CHST12: variants seen among roughly 807,000 people sequenced by gnomAD.
CHST12 encodes carbohydrate sulfotransferase 12, also known as carbohydrate (chondroitin 4) sulfotransferase 12.
In CHST12, 23 loss-of-function variants were observed where a neutral mutation model predicts 27.9. That is an observed-to-expected ratio of 0.82 (90% CI 0.59 to 1.17). The LOEUF (loss-of-function observed/expected upper bound fraction) is 1.17, where lower values mean the gene tolerates loss of function less well. Among genes scored for constraint, CHST12 ranks in the 50% most tolerant of loss-of-function variants. The pLI is 0.00. For missense variants in CHST12, 682 were observed against 603.0 expected, an observed-to-expected ratio of 1.13 and a Z score of -1.37; for synonymous variants, 322 against 273.0, an observed-to-expected ratio of 1.18 and a Z score of -1.77.
At chr7:2,411,662 G>A (rs866474019) in intron 1 of CHST12, among the ~76,000 whole-genome samples, 2 of 151,754 alleles carry the variant, frequency 1.3e-5, no homozygotes, top group African/African-American at 2.4e-5. Flanking sequence ...GCTACTTTTT[G>A]TATTTAGTAG....
intron 1 of CHST12, among the ~76,000 whole-genome samples, chr7:2,419,504 C>T (rs1002256806): frequency 6.6e-6 from 1 of 151,396 alleles, no homozygotes; most frequent in Non-Finnish European, 1.5e-5. Context: ...GTCAGGAGTC[C>T]GAGACCAGCC....
chr7:2,404,384 G>A (rs1029404395), intron 1 of CHST12, among the ~76,000 whole-genome samples: 4 of 152,134 alleles, frequency 2.6e-5, no homozygotes, highest in Admixed American at 2.0e-4. Flanking sequence ...CCGTCTGGCA[G>A]GCAGCACAAC....
In CHST12 at chr7:2,433,303, C is replaced by T; in HGVS notation, c.664C>T (p.Arg222Cys). 1 of 1,612,474 alleles carries T rather than the reference C, an allele frequency of 6.2e-7. No individual in the cohort carries two copies. Among genetic ancestry groups the T allele is most frequent in the Non-Finnish European group, 8.5e-7 (1 of 1,179,324 alleles). Residue 222 changes from arginine (R) to cysteine (C), a missense_variant, in exon 2 of 2, where the codon CGC becomes TGC. Physicochemically the swap from Arg to Cys is radical, Grantham distance 180 (BLOSUM62 -3). Coordinates refer to ENST00000618655, the MANE Select transcript of CHST12 (RefSeq NM_018641.5). The surrounding 1 kb of genome is among the most constrained non-coding windows in gnomAD (Gnocchi z 6.1). ...AHLTFNKFWRRYGKLSRHLMK... is the reference protein window; with the variant it reads ...AHLTFNKFWRCYGKLSRHLMK... The stretch of plus-strand genomic sequence containing the variant: ...CCTGACCTTCAACAAGTTCTGGCGC[C>T]GCTACGGGAAGCTCTCCCGCCACCT...
Position 2,436,170 on chromosome 7 carries a change from A to G in CHST12, c.*2286A>G, listed in dbSNP as rs1782468582. On this transcript the variant is annotated 3_prime_UTR_variant, in exon 2 of 2. Coordinates refer to ENST00000618655, the MANE Select transcript of CHST12 (RefSeq NM_018641.5). ...TAATTTTAAACGTACCATCTTAACC[A>G]TTGTTAAGTGCACTGTTGTGTGGCA... The G allele has an allele frequency of 6.6e-6, 1 of 152,178 alleles. No homozygotes were observed. Among genetic ancestry groups the G allele is most frequent in the African/African-American group, 2.4e-5 (1 of 41,442 alleles). The allele number at this position is 152,178 out of a possible 1,614,324, so 9.4% of individuals were successfully genotyped here.
intron 1 of CHST12, among the ~76,000 whole-genome samples, chr7:2,421,371 A>G (rs912189844): frequency 4.0e-5 from 6 of 150,314 alleles, no homozygotes; most frequent in Admixed American, 4.0e-4. Context: ...TCAGCCTCCT[A>G]AGTAGCTGAG....
intron 1 of CHST12, among the ~76,000 whole-genome samples, chr7:2,411,830 T>A (rs1781675861): frequency 6.6e-6 from 1 of 152,250 alleles, no homozygotes; most frequent in Non-Finnish European, 1.5e-5. Context: ...AGTTATCGTT[T>A]GGATTCTAGA....
At chr7:2,417,857 C>T (rs576770196) in intron 1 of CHST12, among the ~76,000 whole-genome samples, 39 of 152,366 alleles carry the variant, frequency 2.6e-4, no homozygotes, top group Non-Finnish European at 4.3e-4. Flanking sequence ...GGGTACCCCA[C>T]GGCCCAGTCC....
chr7:2,413,366 TTC>T, intron 1 of CHST12, among the ~76,000 whole-genome samples: 1 of 152,346 alleles, frequency 6.6e-6, no homozygotes, highest in South Asian at 2.1e-4. Context: ...CACAAACATT[TTC>T]TTTTTAACTT....
At position 2,432,801 on chromosome 7, in the gene CHST12, G is replaced by A. The variant is rs142111836; in HGVS notation, c.162G>A (p.Pro54=). The A allele has an allele frequency of 7.6e-5, 122 of 1,613,646 alleles. No homozygotes were observed. The highest frequency in any genetic ancestry group is 9.7e-5 in the Non-Finnish European group (115 of 1,179,830). ...HTGPPLPTPG[P]DRDRELTADS... Reference sequence around the variant, plus strand: ...GGCCGCCGCTGCCCACGCCCGGGCCGGACAGGGACAGGGAGCTCACGGCCG... The same window carrying A: ...GGCCGCCGCTGCCCACGCCCGGGCCAGACAGGGACAGGGAGCTCACGGCCG... The change falls in exon 2 of 2, where the codon CCG becomes CCA. Residue 54 remains proline (P), a synonymous_variant. Coordinates refer to ENST00000618655, the MANE Select transcript of CHST12 (RefSeq NM_018641.5).
At chr7:2,422,697 A>G (rs1782009594) in intron 1 of CHST12, among the ~76,000 whole-genome samples, 1 of 151,170 alleles carries the variant, frequency 6.6e-6, no homozygotes, top group African/African-American at 2.4e-5. Flanking sequence ...CACCACACCC[A>G]GCTAATTTTT....
In CHST12 at chr7:2,433,538, TC is replaced by T; in HGVS notation, c.900del (p.Phe300LeufsTer129). 1 of 1,613,194 alleles carries T rather than the reference TC, an allele frequency of 6.2e-7. No homozygotes were observed. The highest frequency in any genetic ancestry group is 8.5e-7 in the Non-Finnish European group (1 of 1,179,952). ...EAFRAGLKVS[F>X]ANFIQYLLDP... Reference sequence around the variant, plus strand: ...TTCCGCGCTGGCCTCAAGGTGTCCTTCGCCAACTTCATCCAGTACCTGCTGG... The same window carrying T: ...TTCCGCGCTGGCCTCAAGGTGTCCTTGCCAACTTCATCCAGTACCTGCTGG... On this transcript the variant is annotated frameshift_variant, in exon 2 of 2. Transcript: ENST00000618655. LOFTEE classifies it high-confidence loss of function. The surrounding 1 kb of genome is among the most constrained non-coding windows in gnomAD (Gnocchi z 6.1).
rs1782536829 is a variant in CHST12, at chr7:2,438,861, AT to A, written c.*4980del. 1 of 152,252 alleles carries A rather than the reference AT, an allele frequency of 6.6e-6. No individual in the cohort carries two copies. The highest frequency in any genetic ancestry group is 1.5e-5 in the Non-Finnish European group (1 of 68,150). 9.4% of individuals were successfully genotyped at this position (152,252 alleles called of 1,614,324 possible). A position where few individuals can be genotyped will look rare whatever the true frequency, so the allele number is the denominator to read the frequency against. On this transcript the variant is annotated 3_prime_UTR_variant, in exon 2 of 2. Transcript: ENST00000618655. ...CCATGGTTGATACGGGACGGGGCTG[AT>A]TTCCTGACCTGGACCCCTGAGACCC...
In CHST12 at chr7:2,445,400, G is replaced by C. The variant is rs1167587345; in HGVS notation, c.*11516G>C. 6.6e-6 allele frequency: 1 copy of C among 152,266 alleles called. No individual in the cohort carries two copies. Among genetic ancestry groups the C allele is most frequent in the African/African-American group, 2.4e-5 (1 of 41,460 alleles). 9.4% of individuals were successfully genotyped at this position (152,266 alleles called of 1,614,324 possible). A position where few individuals can be genotyped will look rare whatever the true frequency, so the allele number is the denominator to read the frequency against. ...CCCCCAGGGCATTCGAGAAAAGGGT[G>C]CTTGTCTCTTGGTGAGAGGGCCACG... is the stretch of plus-strand genomic sequence containing the variant. On this transcript the variant is annotated 3_prime_UTR_variant, in exon 2 of 2. Transcript: ENST00000618655.
chr7:2,405,779 G>A (rs1487556573), intron 1 of CHST12, among the ~76,000 whole-genome samples: 1 of 152,214 alleles, frequency 6.6e-6, no homozygotes, highest in Non-Finnish European at 1.5e-5. Context: ...GCTGCGGCCA[G>A]GTGGGAGAGG....
chr7:2,419,389 G>A (rs115928820), intron 1 of CHST12, among the ~76,000 whole-genome samples: 3,588 of 125,506 alleles, frequency 0.029, 117 homozygotes, highest in African/African-American at 0.095. Flanking sequence ...TGATAGAGTG[G>A]AACCCTGTCT....
chr7:2,417,468 C>A (rs1781840953), intron 1 of CHST12, among the ~76,000 whole-genome samples: 1 of 150,082 alleles, frequency 6.7e-6, no homozygotes, highest in South Asian at 2.1e-4. Flanking sequence ...TAGCTCACTG[C>A]AACCTCCGCC....
In CHST12 at chr7:2,403,677, AG is replaced by A. The variant is rs1781443959; in HGVS notation, c.-78+8del. ...GGCGCGAGGTGAGGGTCGCGAGGTG[AG>A]GGGCGCGGCGGGCGGCGGGCTCGGG... On this transcript the variant is annotated splice_donor_5th_base_variant and intron_variant, in intron 1 of 1. Coordinates refer to ENST00000618655, the MANE Select transcript of CHST12 (RefSeq NM_018641.5). 1.6e-5 allele frequency: 2 copies of A among 123,824 alleles called. No individual in the cohort carries two copies. The highest frequency in any genetic ancestry group is 3.2e-5 in the African/African-American group (1 of 31,620). The allele number at this position is 123,824 out of a possible 1,614,324, so 7.7% of individuals were successfully genotyped here.
Position 2,444,848 on chromosome 7 carries a change from C to T in CHST12, c.*10964C>T, listed in dbSNP as rs536527844. The T allele has an allele frequency of 6.6e-6, 1 of 152,316 alleles. No individual in the cohort carries two copies. The highest frequency in any genetic ancestry group is 1.9e-4 in the East Asian group (1 of 5,184). The allele number at this position is 152,316 out of a possible 1,614,324, so 9.4% of individuals were successfully genotyped here. The stretch of plus-strand genomic sequence containing the variant: ...GAGCCTCATTCAATCATCTGAGGTT[C>T]TTCCCAGGAAAATTATAGTGGGAAC... On this transcript the variant is annotated 3_prime_UTR_variant, in exon 2 of 2. Transcript: ENST00000618655.
intron 1 of CHST12, among the ~76,000 whole-genome samples, chr7:2,418,453 C>T (rs1310705147): frequency 3.3e-5 from 5 of 152,208 alleles, no homozygotes; most frequent in African/African-American, 7.2e-5. Context: ...GTTGGTGTGC[C>T]GCAGGCGGGT....
Sources: gnomAD v4.1 joint callset for allele counts (sites outside exome capture counted in the v4.1 genomes callset) on GRCh38, gnomAD v4.1.1 for gene constraint, Gnocchi (gnomAD v3.1) non-coding constraint, MANE v1.5 for transcripts, NCBI Gene and HGNC (gene_info 2026-07-23, HGNC 2026-07-21) for gene names.